SLIT3: variants seen among roughly 807,000 people sequenced by gnomAD.
The protein encoded by SLIT3 is slit homolog 3 protein.
Under a neutral mutation model 184.0 loss-of-function variants are expected in SLIT3, and 68 were observed. The observed-to-expected ratio is 0.37, with a 90% CI of 0.30 to 0.45. The LOEUF is 0.45. Among genes scored for constraint, SLIT3 ranks in the 20% least tolerant of loss-of-function variants. The pLI is 1.00. For missense variants in SLIT3, 1,707 were observed against 2,026.0 expected (o/e 0.84, Z 3.02); for synonymous variants, 831 against 828.6 (o/e 1.00, Z -0.05).
intron 4 of SLIT3, among the ~76,000 whole-genome samples, chr5:168,953,012 G>A (rs1004613659): frequency 2.0e-5 from 3 of 152,196 alleles, no homozygotes; most frequent in Admixed American, 1.3e-4. Context: ...GACGGGTCGG[G>A]GAGACCAGAC....
chr5:168,967,589 G>A (rs564270799), intron 4 of SLIT3, among the ~76,000 whole-genome samples: 1 of 143,378 alleles, frequency 7.0e-6, no homozygotes, highest in East Asian at 2.0e-4. Flanking sequence ...ACAGGCGCCC[G>A]CCACTACGCC....
chr5:169,073,703 G>A (rs1218883802), intron 4 of SLIT3, among the ~76,000 whole-genome samples: 1 of 151,986 alleles, frequency 6.6e-6, no homozygotes, highest in African/African-American at 2.4e-5. Flanking sequence ...CGGTTTAAAA[G>A]AGCCTGGCAC....
At chr5:169,198,690 T>C (rs1763815691) in intron 3 of SLIT3, among the ~76,000 whole-genome samples, 1 of 152,066 alleles carries the variant, frequency 6.6e-6, no homozygotes, top group African/African-American at 2.4e-5. Context: ...TCCCAGCACT[T>C]TGGGAGGCCA....
intron 10 of SLIT3, 82 bp downstream of exon 10, chr5:168,795,425 T>C (rs1250161607): frequency 9.9e-7 from 1 of 1,015,026 alleles, no homozygotes; most frequent in Non-Finnish European, 1.6e-6. Flanking sequence ...GTCCGTCACC[T>C]GGACAGGTTG....
intron 21 of SLIT3, among the ~76,000 whole-genome samples, chr5:168,723,703 C>T (rs899133449): frequency 2.6e-5 from 4 of 152,216 alleles, no homozygotes; most frequent in Non-Finnish European, 5.9e-5. Context: ...GCTGCAACCT[C>T]GAGCTTCCCT....
intron 5 of SLIT3, among the ~76,000 whole-genome samples, chr5:168,853,768 T>C (rs1392485958): frequency 1.3e-5 from 2 of 152,202 alleles, no homozygotes; most frequent in African/African-American, 4.8e-5. Context: ...CTCCTTAGCA[T>C]GACATTGCTA....
Position 168,685,702 on chromosome 5 carries a change from G to T in SLIT3, c.3540C>A (p.Ala1180=). Residue 1180 remains alanine, a synonymous_variant, in exon 31 of 36, where the codon GCC becomes GCA. Transcript: ENST00000519560. ...CGGGACACACCTGCAGGGAGATGTT[G>T]GCCTGGGGTCGGACCTTGGCGGAGG... ...ELASAKVRPQ[A]NISLQVATDK... is the part of the protein sequence containing the mutation. 10 of 1,561,162 alleles carry T rather than the reference G, an allele frequency of 6.4e-6. No individual in the cohort carries two copies. Among genetic ancestry groups the T allele is most frequent in the Non-Finnish European group, 8.7e-6 (10 of 1,149,018 alleles).
chr5:168,793,842 C>T (rs957348034), intron 10 of SLIT3, among the ~76,000 whole-genome samples: 3 of 151,818 alleles, frequency 2.0e-5, no homozygotes, highest in African/African-American at 4.8e-5. Context: ...GAAGCAGGGA[C>T]ACCAGGAGAT....
chr5:169,083,516 G>A (rs976185609), intron 4 of SLIT3, among the ~76,000 whole-genome samples: 4 of 152,252 alleles, frequency 2.6e-5, no homozygotes, highest in Admixed American at 2.0e-4. Context: ...CCAAACTGAT[G>A]AGATTGAGGT....
intron 23 of SLIT3, among the ~76,000 whole-genome samples, chr5:168,716,302 G>T (rs1762729446): frequency 1.3e-5 from 2 of 151,908 alleles, no homozygotes; most frequent in Non-Finnish European, 2.9e-5. Context: ...CCTAGAGCCC[G>T]GTATCTTCCA....
rs540309809 is a variant in SLIT3 at position 168,967,437 on chromosome 5, CTT to C, written c.414-84103_414-84102del. Among the ~76,000 whole-genome samples the C allele has an allele frequency of 2.0e-3, 64 of 32,730 alleles. 10 individuals carry two copies. In the South Asian group the frequency reaches 0.057, roughly 29 times the overall value. The allele number at this position is 32,730 out of a possible 152,430, so 21.5% of individuals were successfully genotyped here. A position where few individuals can be genotyped will look rare whatever the true frequency, so the allele number is the denominator to read the frequency against. On this transcript the variant is annotated intron_variant, in intron 4 of 35. Coordinates refer to ENST00000519560, the MANE Select transcript of SLIT3 (RefSeq NM_003062.4). ...TTCCTCTGGCACTGCCATCTCAAAT[CTT>C]TTTTTTTTTTTTTTTTTTGAGACGG...
chr5:169,155,206 A>T (rs1220195909), intron 4 of SLIT3, among the ~76,000 whole-genome samples: 2 of 152,180 alleles, frequency 1.3e-5, no homozygotes, highest in Non-Finnish European at 2.9e-5. Flanking sequence ...GCACATCCAC[A>T]TATTTTCCTT....
intron 5 of SLIT3, among the ~76,000 whole-genome samples, chr5:168,854,580 C>G (rs1758790307): frequency 6.6e-6 from 1 of 152,240 alleles, no homozygotes; most frequent in Non-Finnish European, 1.5e-5. Flanking sequence ...CAGGCTGGGA[C>G]AGCATAGTGC....
chr5:168,766,466 T>C (rs1246345361), intron 14 of SLIT3, among the ~76,000 whole-genome samples: 1 of 152,218 alleles, frequency 6.6e-6, no homozygotes, highest in East Asian at 1.9e-4. Flanking sequence ...TGCCAGTGGC[T>C]GGAAGATGCC....
At chr5:168,726,803 C>T (rs1319388628) in intron 20 of SLIT3, among the ~76,000 whole-genome samples, 1 of 148,460 alleles carries the variant, frequency 6.7e-6, no homozygotes, top group Non-Finnish European at 1.5e-5. Context: ...TGAAACCCCC[C>T]TCCTAAAAAT....
intron 3 of SLIT3, among the ~76,000 whole-genome samples, chr5:169,222,436 G>A (rs779901355): frequency 3.9e-5 from 6 of 152,026 alleles, no homozygotes; most frequent in Non-Finnish European, 8.8e-5. Flanking sequence ...GTAAAGAATC[G>A]TACACACAGT....
intron 10 of SLIT3, among the ~76,000 whole-genome samples, chr5:168,793,762 A>G (rs138869431): frequency 3.8e-4 from 57 of 150,208 alleles, no homozygotes; most frequent in African/African-American, 1.3e-3. Context: ...TGAAATTACT[A>G]TCTGGCTGCA....
At chr5:168,671,525 C>T (rs1397593269) in intron 33 of SLIT3, 42 bp from the exon 34 acceptor site, 1 of 1,573,646 alleles carries the variant, frequency 6.4e-7, no homozygotes, top group Non-Finnish European at 8.6e-7. Flanking sequence ...AGACCCTCCC[C>T]TGCCACCCTG....
intron 4 of SLIT3, among the ~76,000 whole-genome samples, chr5:169,032,261 T>C (rs1045446436): frequency 3.9e-5 from 6 of 152,156 alleles, no homozygotes; most frequent in Admixed American, 2.0e-4. Context: ...TCTGAGTAAA[T>C]ATGAAAGAAC....
Sources: gnomAD v4.1 joint callset for allele counts (sites outside exome capture counted in the v4.1 genomes callset) on GRCh38, gnomAD v4.1.1 for gene constraint, MANE v1.5 for transcripts, NCBI Gene and HGNC (gene_info 2026-07-23, HGNC 2026-07-21) for gene names.